BACH2: variants seen among roughly 807,000 people sequenced by gnomAD.
The protein encoded by BACH2 is transcription regulator protein BACH2.
In BACH2, 5 loss-of-function variants were observed where a neutral mutation model predicts 61.8. That is an observed-to-expected ratio of 0.08 (90% CI 0.04 to 0.17). The LOEUF is 0.17. Among genes scored for constraint, BACH2 ranks in the 10% least tolerant of loss-of-function variants. BACH2 has a pLI of 1.00. For missense variants in BACH2, 824 were observed against 1,091.1 expected (o/e 0.76, Z 3.45); for synonymous variants, 446 against 440.1 (o/e 1.01, Z -0.17).
chr6:90,185,181 T>TA (rs1768312521), intron 4 of BACH2, among the ~76,000 whole-genome samples: 1 of 152,080 alleles, frequency 6.6e-6, no homozygotes, highest in Non-Finnish European at 1.5e-5. Context: ...CCTGAGGAAA[T>TA]ATGCAGAGCC....
chr6:90,029,616 A>G (rs1359717991), intron 5 of BACH2, among the ~76,000 whole-genome samples: 1 of 152,192 alleles, frequency 6.6e-6, no homozygotes, highest in Admixed American at 6.5e-5. Flanking sequence ...TTTGCTCACC[A>G]TTGAAGCCGC....
intron 4 of BACH2, among the ~76,000 whole-genome samples, chr6:90,124,089 T>C (rs954520267): frequency 7.2e-5 from 11 of 152,202 alleles, no homozygotes; most frequent in Non-Finnish European, 4.4e-5. Context: ...GGAGAATCCA[T>C]GTTTTTCAAA....
intron 6 of BACH2, among the ~76,000 whole-genome samples, chr6:89,999,105 A>C (rs1436983813): frequency 6.6e-6 from 1 of 152,220 alleles, no homozygotes; most frequent in African/African-American, 2.4e-5. Flanking sequence ...TCACTTAAAA[A>C]ACACACCGTG....
intron 1 of BACH2, among the ~76,000 whole-genome samples, chr6:90,291,980 G>C (rs1184184362): frequency 6.6e-6 from 1 of 152,112 alleles, no homozygotes; most frequent in Non-Finnish European, 1.5e-5. Context: ...AGAAAAACAG[G>C]GAGGCAGATT....
At chr6:90,014,447 T>C (rs1399325731) in intron 5 of BACH2, among the ~76,000 whole-genome samples, 1 of 70,042 alleles carries the variant, frequency 1.4e-5, no homozygotes, top group African/African-American at 8.4e-5. Context: ...TGTGTATATA[T>C]ATATATATAT....
At chr6:90,027,128 A>G (rs1003789377) in intron 5 of BACH2, among the ~76,000 whole-genome samples, 26 of 152,300 alleles carry the variant, frequency 1.7e-4, no homozygotes, top group Middle Eastern at 3.4e-3. Context: ...GTTAAGTCCC[A>G]TATCAAGTAA....
chr6:90,119,753 T>C (rs541961267), intron 4 of BACH2, among the ~76,000 whole-genome samples: 1 of 152,322 alleles, frequency 6.6e-6, no homozygotes, highest in South Asian at 2.1e-4. Flanking sequence ...AAGTTCTTAG[T>C]TACTAGTAAA....
intron 4 of BACH2, among the ~76,000 whole-genome samples, chr6:90,124,976 T>C (rs1783786487): frequency 6.9e-6 from 1 of 145,584 alleles, no homozygotes; most frequent in African/African-American, 2.8e-5. Context: ...ACTTCATTGA[T>C]TTTTTTCCTT....
intron 6 of BACH2, among the ~76,000 whole-genome samples, chr6:90,005,176 T>C (rs991916904): frequency 2.6e-5 from 4 of 152,056 alleles, no homozygotes; most frequent in African/African-American, 9.7e-5. Flanking sequence ...ACGGCAGATC[T>C]GGGTTTGGCC....
chr6:90,083,438 A>C (rs1781803826), intron 5 of BACH2, among the ~76,000 whole-genome samples: 1 of 152,202 alleles, frequency 6.6e-6, no homozygotes, highest in African/African-American at 2.4e-5. Flanking sequence ...AATGAAAATT[A>C]ATTTTGATGA....
intron 6 of BACH2, among the ~76,000 whole-genome samples, chr6:89,961,019 G>A (rs895895127): frequency 2.6e-5 from 4 of 152,146 alleles, no homozygotes; most frequent in South Asian, 2.1e-4. Flanking sequence ...TGGAACCTTC[G>A]TTTCAACTGG....
chr6:90,212,879 G>C (rs183282701), intron 3 of BACH2, among the ~76,000 whole-genome samples: 5 of 152,298 alleles, frequency 3.3e-5, no homozygotes, highest in Admixed American at 2.6e-4. Context: ...GTGGTAGAGG[G>C]TCCATCACTT....
chr6:90,042,393 G>A (rs1166525124), intron 5 of BACH2, among the ~76,000 whole-genome samples: 1 of 151,770 alleles, frequency 6.6e-6, no homozygotes, highest in African/African-American at 2.4e-5. Flanking sequence ...TAGAGACAGG[G>A]TTTGGCCATG....
intron 6 of BACH2, among the ~76,000 whole-genome samples, chr6:89,967,162 G>A (rs1775090441): frequency 6.6e-6 from 1 of 152,206 alleles, no homozygotes; most frequent in South Asian, 2.1e-4. Context: ...AGGTGCTTCA[G>A]AATGGTACCT....
intron 4 of BACH2, among the ~76,000 whole-genome samples, chr6:90,184,681 C>T (rs1768289379): frequency 6.6e-6 from 1 of 152,190 alleles, no homozygotes. Flanking sequence ...CAGGGGCACA[C>T]CCATCCTCTA....
At chr6:90,289,932 T>A (rs762105881) in intron 1 of BACH2, among the ~76,000 whole-genome samples, 7 of 152,330 alleles carry the variant, frequency 4.6e-5, no homozygotes, top group Admixed American at 1.3e-4. Context: ...CCAACCTAAA[T>A]ATGTTCAAAA....
intron 2 of BACH2, among the ~76,000 whole-genome samples, chr6:90,253,277 C>T (rs985639296): frequency 6.6e-6 from 1 of 151,890 alleles, no homozygotes; most frequent in Non-Finnish European, 1.5e-5. Context: ...TATAATTTGT[C>T]CACTACCTTT....
intron 4 of BACH2, among the ~76,000 whole-genome samples, chr6:90,161,868 G>A (rs62408206): frequency 0.25 from 37,521 of 152,098 alleles, 5,814 homozygotes; most frequent in Non-Finnish European, 0.35. Flanking sequence ...ACCAACCAGC[G>A]TCTCGATGGT....
chr6:89,995,897 T>C (rs977408564), intron 6 of BACH2, among the ~76,000 whole-genome samples: 8 of 152,210 alleles, frequency 5.3e-5, no homozygotes, highest in Non-Finnish European at 8.8e-5. Flanking sequence ...TGATAAACTG[T>C]TGGGGCTTAA....
Sources: allele counts gnomAD v4.1 joint callset (sites outside exome capture counted in the v4.1 genomes callset), GRCh38; gene constraint gnomAD v4.1.1; transcripts MANE v1.5; gene names NCBI Gene and HGNC (gene_info 2026-07-23, HGNC 2026-07-21).